Variants in RIMS1 observed in about 807,000 individuals in gnomAD.
RIMS1 encodes the protein regulating synaptic membrane exocytosis 1, also known as regulating synaptic membrane exocytosis protein 1.
In RIMS1, 83 loss-of-function variants were observed where a neutral mutation model predicts 214.1. The observed-to-expected ratio is 0.39, with a 90% CI of 0.32 to 0.47. The LOEUF (loss-of-function observed/expected upper bound fraction) is 0.47. Ranked by LOEUF, RIMS1 falls within the 20% of genes least tolerant of loss-of-function variation. The pLI is 0.99. For synonymous variants in RIMS1, 793 were observed against 786.8 expected, an observed-to-expected ratio of 1.01 and a Z score of -0.13; for missense variants, 2,050 against 2,161.8, an observed-to-expected ratio of 0.95 and a Z score of 1.03.
At chr6:72,010,859 T>C (rs1048960375) in intron 2 of RIMS1, among the ~76,000 whole-genome samples, 6 of 152,166 alleles carry the variant, frequency 3.9e-5, no homozygotes, top group East Asian at 1.9e-4. Flanking sequence ...ACATTCCATA[T>C]TCATGGGTAG....
intron 1 of RIMS1, among the ~76,000 whole-genome samples, chr6:71,958,453 T>A (rs573838210): frequency 6.6e-6 from 1 of 152,254 alleles, no homozygotes; most frequent in East Asian, 1.9e-4. Context: ...ATGAGAGTAC[T>A]CAGTCTGAAA....
chr6:72,049,696 T>C (rs565956897), intron 2 of RIMS1, among the ~76,000 whole-genome samples: 2 of 152,350 alleles, frequency 1.3e-5, no homozygotes, highest in South Asian at 4.1e-4. Context: ...CATACGGCTT[T>C]CATTTGGGGA....
At chr6:72,170,919 A>G (rs2046942537) in intron 4 of RIMS1, among the ~76,000 whole-genome samples, 1 of 152,212 alleles carries the variant, frequency 6.6e-6, no homozygotes, top group Non-Finnish European at 1.5e-5. Context: ...TGTGTCAAAC[A>G]CAGTTTTGTA....
intron 19 of RIMS1, chr6:72,261,985 T>C: frequency 2.0e-6 from 2 of 984,680 alleles, no homozygotes; most frequent in Non-Finnish European, 2.4e-6. Flanking sequence ...AATAATGGTT[T>C]ATTTACTAAT....
chr6:72,024,840 A>G (rs1815857982), intron 2 of RIMS1, among the ~76,000 whole-genome samples: 1 of 151,254 alleles, frequency 6.6e-6, no homozygotes, highest in African/African-American at 2.4e-5. Flanking sequence ...CACATAAATA[A>G]TATATTAAAT....
chr6:72,128,248 GATGTACAT>G (rs1169782974), intron 4 of RIMS1, among the ~76,000 whole-genome samples: 1 of 152,012 alleles, frequency 6.6e-6, no homozygotes, highest in East Asian at 1.9e-4. Flanking sequence ...CCTTAAAAAA[GATGTACAT>G]ACATTTCAAA....
intron 2 of RIMS1, among the ~76,000 whole-genome samples, chr6:72,037,945 G>C (rs751055910): frequency 1.3e-5 from 2 of 150,692 alleles, no homozygotes; most frequent in African/African-American, 4.9e-5. Context: ...ACTGCACCTC[G>C]AGTTGCTCAT....
intron 29 of RIMS1, among the ~76,000 whole-genome samples, chr6:72,343,492 C>CTTTTTTTTTTTTTTTTTTTTTTTTTTT (rs764125827): frequency 2.3e-4 from 13 of 57,304 alleles, no homozygotes; most frequent in East Asian, 4.5e-4. Context: ...TCTTCTTCTT[C>CTTTTTTTTTTTTTTTTTTTTTTTTTTT]TTTTTTTTTT....
At chr6:71,924,114 G>A (rs1195678298) in intron 1 of RIMS1, among the ~76,000 whole-genome samples, 1 of 152,158 alleles carries the variant, frequency 6.6e-6, no homozygotes, top group Non-Finnish European at 1.5e-5. Context: ...TTTCACACTT[G>A]AAGTAGTTTT....
chr6:72,025,024 C>T (rs889832825), intron 2 of RIMS1, among the ~76,000 whole-genome samples: 1 of 151,178 alleles, frequency 6.6e-6, no homozygotes, highest in African/African-American at 2.4e-5. Flanking sequence ...CAGCCTCAGC[C>T]CCCAGAGTAG....
intron 1 of RIMS1, among the ~76,000 whole-genome samples, chr6:71,901,491 T>C (rs1773593670): frequency 6.6e-6 from 1 of 151,962 alleles, no homozygotes. Context: ...AACATTATGG[T>C]AGATAGGAAA....
In RIMS1 at chr6:72,344,601, C is replaced by A. The variant is rs760770572; in HGVS notation, c.4366+10766C>A. Among the ~76,000 whole-genome samples, 4 of 151,666 alleles carry A rather than the reference C, an allele frequency of 2.6e-5. 1 individual carries two copies. The highest frequency in any genetic ancestry group is 6.6e-5 in the Admixed American group (1 of 15,178). ...TCTGAAGAATGTAATATTTCATGTTCTTTGTTTCCTGAACACAAAATCATG... is the reference window on the plus strand; with the variant it reads ...TCTGAAGAATGTAATATTTCATGTTATTTGTTTCCTGAACACAAAATCATG... On this transcript the variant is annotated intron_variant, in intron 29 of 33. Coordinates refer to ENST00000521978, the MANE Select transcript of RIMS1 (RefSeq NM_014989.7).
intron 2 of RIMS1, among the ~76,000 whole-genome samples, chr6:72,008,117 C>T (rs969587958): frequency 6.6e-6 from 1 of 152,200 alleles, no homozygotes; most frequent in African/African-American, 2.4e-5. Flanking sequence ...AGACTAGCAG[C>T]TGATCTCTCG....
At chr6:72,152,719 A>AATATATATATATGGAATATATGTATAT (rs1562441124) in intron 4 of RIMS1, among the ~76,000 whole-genome samples, 1 of 116,156 alleles carries the variant, frequency 8.6e-6, no homozygotes, top group Non-Finnish European at 1.8e-5. Context: ...TATATATGTG[A>AATATATATATATGGAATATATGTATAT]ATATATATAT....
In RIMS1 at chr6:72,245,804, G is replaced by A; in HGVS notation, c.2082-11G>A. 3 of 1,604,950 alleles carry A rather than the reference G, an allele frequency of 1.9e-6. No individual in the cohort carries two copies. Among genetic ancestry groups the A allele is most frequent in the Non-Finnish European group, 2.6e-6 (3 of 1,172,018 alleles). ...ACTAATGGGATTTTCACCATATCCT[G>A]TTTCTTTTAGTGACATTCCCCGGAT... On this transcript the variant is annotated splice_polypyrimidine_tract_variant and intron_variant, in intron 10 of 33. Transcript: ENST00000521978.
intron 2 of RIMS1, among the ~76,000 whole-genome samples, chr6:71,985,841 A>G (rs1799785179): frequency 6.6e-6 from 1 of 152,038 alleles, no homozygotes; most frequent in Non-Finnish European, 1.5e-5. Flanking sequence ...ATGTATGGAC[A>G]CACACACACA....
At chr6:72,297,473 C>T (rs540411360) in intron 26 of RIMS1, among the ~76,000 whole-genome samples, 2 of 151,828 alleles carry the variant, frequency 1.3e-5, no homozygotes, top group Non-Finnish European at 2.9e-5. Context: ...AAAGCTGTAC[C>T]TAGCTAAATA....
rs148026069 is a variant in RIMS1, at chr6:72,054,012, C to G, written c.246-42937C>G. The stretch of plus-strand genomic sequence containing the variant: ...CATGGTGGTTTGCTGGACCTATCAA[C>G]CTTTCATCGAGGTTTTAAGCCCTGC... On this transcript the variant is annotated intron_variant, in intron 2 of 33. Coordinates refer to ENST00000521978, the MANE Select transcript of RIMS1 (RefSeq NM_014989.7). 1.7e-3 allele frequency among the ~76,000 whole-genome samples: 266 copies of G among 152,110 alleles called. 1 individual carries two copies. Among genetic ancestry groups the G allele is most frequent in the African/African-American group, 6.1e-3 (253 of 41,498 alleles).
At chr6:72,102,008 T>G (rs540555080) in intron 4 of RIMS1, among the ~76,000 whole-genome samples, 25 of 152,104 alleles carry the variant, frequency 1.6e-4, no homozygotes, top group Non-Finnish European at 3.5e-4. Flanking sequence ...TATTTTTTAC[T>G]TCATTAAAAG....
Sources: allele counts gnomAD v4.1 joint callset (sites outside exome capture counted in the v4.1 genomes callset), GRCh38; gene constraint gnomAD v4.1.1; transcripts MANE v1.5; gene names NCBI Gene and HGNC (gene_info 2026-07-23, HGNC 2026-07-21).